Variants in DPP10 observed in about 807,000 individuals in gnomAD.
DPP10 encodes the protein inactive dipeptidyl peptidase 10.
DPP10 carries 33 observed loss-of-function variants against 120.9 expected under a neutral mutation model. The ratio of observed to expected loss-of-function variants is 0.27; its 90% CI spans 0.21 to 0.37. The LOEUF (loss-of-function observed/expected upper bound fraction) is 0.37, where lower values mean the gene tolerates loss of function less well. Among genes scored for constraint, DPP10 ranks in the 10% least tolerant of loss-of-function variants. DPP10 has a pLI of 1.00. For missense variants in DPP10, 816 were observed against 942.8 expected, an observed-to-expected ratio of 0.87 and a Z score of 1.76; for synonymous variants, 337 against 326.1, an observed-to-expected ratio of 1.03 and a Z score of -0.36.
chr2:114,929,349 G>A lies in DPP10; in HGVS notation c.61-379890G>A, dbSNP rs549350488. On this transcript the variant is annotated intron_variant, in intron 1 of 25. Coordinates refer to ENST00000410059, the MANE Select transcript of DPP10 (RefSeq NM_020868.6). ...CAGATGACCAGCCTGACTAGAATTCGCCAGGCTGGAATTTCCTAATCCTAG... is the reference window on the plus strand; with the variant it reads ...CAGATGACCAGCCTGACTAGAATTCACCAGGCTGGAATTTCCTAATCCTAG... 1.4e-4 allele frequency among the ~76,000 whole-genome samples: 22 copies of A among 152,254 alleles called. No homozygotes were observed. The East Asian group carries it at 2.7e-3, about 19-fold the overall frequency.
chr2:115,203,992 A>G (rs2055932533), intron 1 of DPP10, among the ~76,000 whole-genome samples: 1 of 152,194 alleles, frequency 6.6e-6, no homozygotes, highest in Non-Finnish European at 1.5e-5. Flanking sequence ...ATGAATACCT[A>G]AATGACAAAT....
chr2:115,793,528 A>C, intron 19 of DPP10, among the ~76,000 whole-genome samples: 1 of 152,040 alleles, frequency 6.6e-6, no homozygotes, highest in East Asian at 1.9e-4. Flanking sequence ...CCAACCTAAT[A>C]TGGATAATAG....
At chr2:114,786,876 T>C (rs1225352925) in intron 1 of DPP10, among the ~76,000 whole-genome samples, 2 of 152,206 alleles carry the variant, frequency 1.3e-5, no homozygotes, top group African/African-American at 2.4e-5. Flanking sequence ...GTATAGCTGC[T>C]GCCCTCAACC....
rs150023308 is a variant in DPP10, at chr2:115,468,537, C to T, written c.272-30973C>T. The stretch of plus-strand genomic sequence containing the variant: ...GTGCTATGTGGACATTGCCATCCCA[C>T]TCAACAAAGGAGCTCACTCAGTGGG... On this transcript the variant is annotated intron_variant, in intron 3 of 25. Transcript: ENST00000410059. 2,020 of 430,726 alleles carry T rather than the reference C, an allele frequency of 4.7e-3. 20 individuals carry two copies. Among genetic ancestry groups the T allele is most frequent in the Non-Finnish European group, 6.2e-3 (1,346 of 218,700 alleles). The allele number at this position is 430,726 out of a possible 1,614,324, so 26.7% of individuals were successfully genotyped here.
At chr2:115,704,190 A>G (rs2092005210) in intron 7 of DPP10, among the ~76,000 whole-genome samples, 1 of 151,786 alleles carries the variant, frequency 6.6e-6, no homozygotes, top group African/African-American at 2.4e-5. Flanking sequence ...GATGAAAGAC[A>G]CCTGACTCCT....
At chr2:114,740,505 TAATAA>T (rs1677939627) in intron 1 of DPP10, among the ~76,000 whole-genome samples, 1 of 147,336 alleles carries the variant, frequency 6.8e-6, no homozygotes. Context: ...CTTAAAGTAA[TAATAA>T]AATAAAAATT....
chr2:115,719,230 G>A (rs1171167299), intron 7 of DPP10, among the ~76,000 whole-genome samples: 1 of 152,102 alleles, frequency 6.6e-6, no homozygotes, highest in African/African-American at 2.4e-5. Context: ...AAGGCTTTAG[G>A]ACTGGTAAGT....
In DPP10 at chr2:114,849,637, C is replaced by A. The variant is rs1053911394; in HGVS notation, c.60+406799C>A. 2.0e-5 allele frequency among the ~76,000 whole-genome samples: 3 copies of A among 152,118 alleles called. No individual in the cohort carries two copies. In the East Asian group the frequency reaches 5.8e-4, roughly 29 times the overall value. ...AAAGTGCTGGGATTACAGGAGTGAG[C>A]CACCGTGAGTGGCCAAGGGACAGGA... On this transcript the variant is annotated intron_variant, in intron 1 of 25. Transcript: ENST00000410059.
intron 1 of DPP10, among the ~76,000 whole-genome samples, chr2:115,032,292 GAA>G (rs1439744469): frequency 2.0e-5 from 3 of 151,868 alleles, no homozygotes; most frequent in Admixed American, 1.3e-4. Flanking sequence ...GCTGCATTTT[GAA>G]AAGAGTTGAA....
intron 1 of DPP10, among the ~76,000 whole-genome samples, chr2:115,061,853 A>C (rs911975382): frequency 6.6e-6 from 1 of 152,162 alleles, no homozygotes; most frequent in African/African-American, 2.4e-5. Flanking sequence ...CAGAGTAGAT[A>C]ATATGTCTTT....
chr2:115,286,493 T>TATATATATTACATATATAATATATATA (rs1559366566), intron 1 of DPP10, among the ~76,000 whole-genome samples: 1 of 9,254 alleles, frequency 1.1e-4, no homozygotes, highest in Non-Finnish European at 3.5e-4. Flanking sequence ...ATATATATAA[T>TATATATATTACATATATAATATATATA]ATATATATAT....
At chr2:115,578,167 C>A (rs1383182426) in intron 5 of DPP10, among the ~76,000 whole-genome samples, 1 of 152,160 alleles carries the variant, frequency 6.6e-6, no homozygotes, top group Non-Finnish European at 1.5e-5. Context: ...GCCACTGAAA[C>A]CAGTGCCTTG....
At chr2:115,635,480 C>T (rs903736938) in intron 5 of DPP10, among the ~76,000 whole-genome samples, 4 of 152,198 alleles carry the variant, frequency 2.6e-5, no homozygotes, top group Non-Finnish European at 5.9e-5. Flanking sequence ...TGGGCTGTGG[C>T]ACCACTCTGC....
At chr2:115,474,254 T>A (rs542117938) in intron 3 of DPP10, among the ~76,000 whole-genome samples, 1 of 152,278 alleles carries the variant, frequency 6.6e-6, no homozygotes, top group African/African-American at 2.4e-5. Flanking sequence ...TTTTCTGTTT[T>A]GAGAAGTTTG....
intron 1 of DPP10, among the ~76,000 whole-genome samples, chr2:114,741,570 A>AT (rs1264356702): frequency 1.3e-5 from 2 of 152,140 alleles, no homozygotes. Context: ...CCCCAAAAAG[A>AT]TTTTTTGAAA....
chr2:114,894,220 T>C (rs1263408940), intron 1 of DPP10, among the ~76,000 whole-genome samples: 1 of 152,158 alleles, frequency 6.6e-6, no homozygotes, highest in Non-Finnish European at 1.5e-5. Flanking sequence ...AGGTAAGAGG[T>C]AATAGTAATT....
chr2:115,045,449 A>G (rs558213249), intron 1 of DPP10, among the ~76,000 whole-genome samples: 3 of 152,190 alleles, frequency 2.0e-5, no homozygotes, highest in African/African-American at 4.8e-5. Flanking sequence ...TTGAATGTTG[A>G]TATCTTTCTC....
intron 1 of DPP10, among the ~76,000 whole-genome samples, chr2:114,783,578 T>A (rs933150495): frequency 6.6e-6 from 1 of 152,174 alleles, no homozygotes. Flanking sequence ...GGCGCACATC[T>A]GTAATTCCAG....
intron 3 of DPP10, among the ~76,000 whole-genome samples, chr2:115,456,897 AC>A (rs1316300520): frequency 6.6e-6 from 1 of 152,056 alleles, no homozygotes; most frequent in East Asian, 1.9e-4. Context: ...GCAGCAAACC[AC>A]CATGGCACAT....
Sources: allele counts gnomAD v4.1 joint callset (sites outside exome capture counted in the v4.1 genomes callset), GRCh38; gene constraint gnomAD v4.1.1; transcripts MANE v1.5; gene names NCBI Gene and HGNC (gene_info 2026-07-23, HGNC 2026-07-21).